The following ORC3 variants were observed in gnomAD, a reference collection of about 807,000 sequenced individuals.
The protein encoded by ORC3 is homolog of latheo, Drosophila.
In ORC3, 78 loss-of-function variants were observed where a neutral mutation model predicts 100.7. The observed-to-expected ratio is 0.77, with a 90% CI of 0.65 to 0.94. ORC3 has a LOEUF of 0.94. ORC3 is among the 40% of genes least tolerant of loss of function. The probability of loss-of-function intolerance (pLI) is 0.00; values close to 1 mark genes in which losing one functional copy is unlikely to be tolerated. For synonymous variants in ORC3, 295 were observed against 289.3 expected, an observed-to-expected ratio of 1.02 and a Z score of -0.20; for missense variants, 789 against 823.9, an observed-to-expected ratio of 0.96 and a Z score of 0.52.
Position 87,667,445 on chromosome 6 carries a change from G to A in ORC3, c.*322G>A, listed in dbSNP as rs545925949. ...ATGTAATAAATTCCGTTATCCAGGAGTATAAATTATTTGCAGTTGCTTTAG... is the reference window on the plus strand; with the variant it reads ...ATGTAATAAATTCCGTTATCCAGGAATATAAATTATTTGCAGTTGCTTTAG... On this transcript the variant is annotated 3_prime_UTR_variant, in exon 20 of 20. Transcript: ENST00000392844. 1 of 204,958 alleles carries A rather than the reference G, an allele frequency of 4.9e-6. No homozygotes were observed. The highest frequency in any genetic ancestry group is 1.2e-4 in the East Asian group (1 of 8,632). The allele number at this position is 204,958 out of a possible 1,614,324, so 12.7% of individuals were successfully genotyped here.
At chr6:87,646,685 G>A (rs1022512679) in intron 13 of ORC3, among the ~76,000 whole-genome samples, 2 of 152,122 alleles carry the variant, frequency 1.3e-5, no homozygotes, top group African/African-American at 4.8e-5. Context: ...GACTTTCTTG[G>A]TTTTTCTCCT....
chr6:87,612,222 G>A lies in ORC3; in HGVS notation c.847G>A (p.Glu283Lys). The A allele has an allele frequency of 6.2e-7, 1 of 1,610,872 alleles. No individual in the cohort carries two copies. The highest frequency in any genetic ancestry group is 8.5e-7 in the Non-Finnish European group (1 of 1,179,016). The change falls in exon 8 of 20, where the codon GAG (glutamate) becomes AAG (lysine). Residue 283 changes from glutamate (E) to lysine (K), a missense_variant. By Grantham distance (56) the Glu-to-Lys change is moderately conservative. Transcript: ENST00000392844. ...IELFQSLSCK[E>K]HLTTVLDKLL... The stretch of plus-strand genomic sequence containing the variant: ...ACTGTTCCAATCTTTGTCTTGTAAG[G>A]AGCACCTGACTACGGTACTCGATAA...
chr6:87,593,024 C>T (rs984694721), intron 1 of ORC3, among the ~76,000 whole-genome samples: 1 of 151,924 alleles, frequency 6.6e-6, no homozygotes, highest in Admixed American at 6.6e-5. Flanking sequence ...ACCCGGGAGG[C>T]AAAGGTTGCA....
chr6:87,632,011 A>G (rs1275083862), intron 11 of ORC3, among the ~76,000 whole-genome samples: 1 of 152,014 alleles, frequency 6.6e-6, no homozygotes, highest in Admixed American at 6.5e-5. Context: ...AAAAATACAA[A>G]AAATTAACCA....
rs1481483769 is a variant in ORC3, at chr6:87,621,239, TA to T, written c.988-114del. 1.7e-5 allele frequency: 10 copies of T among 604,120 alleles called. No homozygotes were observed. In the East Asian group the frequency reaches 3.1e-4, roughly 19 times the overall value. The allele number at this position is 604,120 out of a possible 1,614,324, so 37.4% of individuals were successfully genotyped here. A position where few individuals can be genotyped will look rare whatever the true frequency, so the allele number is the denominator to read the frequency against. On this transcript the variant is annotated intron_variant, in intron 9 of 19. Transcript: ENST00000392844. ...GTTATTGTGACATTATTAAATATAT[TA>T]GTGCCATAAATACTTTGGCTCTTTA...
chr6:87,638,690 A>G (rs989902326), intron 13 of ORC3, among the ~76,000 whole-genome samples: 1 of 152,160 alleles, frequency 6.6e-6, no homozygotes, highest in Non-Finnish European at 1.5e-5. Flanking sequence ...TCCACACCTG[A>G]CCTCATGAAA....
chr6:87,664,737 T>C lies in ORC3; in HGVS notation c.1834-6T>C. On this transcript the variant is annotated splice_region_variant and splice_polypyrimidine_tract_variant and intron_variant, in intron 17 of 19. Coordinates refer to ENST00000392844, the MANE Select transcript of ORC3 (RefSeq NM_012381.4). ...TTAGTCATCTTAGTTTACTGTTAAT[T>C]GTTAGAATGAAGCACTGAAAAGCGA... 6.2e-7 allele frequency: 1 copy of C among 1,608,990 alleles called. No homozygotes were observed. The highest frequency in any genetic ancestry group is 1.1e-5 in the South Asian group (1 of 90,962).
chr6:87,651,361 TG>T (rs1769253248), intron 13 of ORC3: 3 of 453,078 alleles, frequency 6.6e-6, no homozygotes, highest in African/African-American at 6.0e-5. Flanking sequence ...ACACCAGAAA[TG>T]CTAATCTTGT....
chr6:87,643,646 T>G (rs1413290657), intron 13 of ORC3, among the ~76,000 whole-genome samples: 1 of 152,238 alleles, frequency 6.6e-6, no homozygotes, highest in African/African-American at 2.4e-5. Context: ...TACTGCCTAC[T>G]GTCACTTTTC....
intron 13 of ORC3, among the ~76,000 whole-genome samples, chr6:87,648,771 A>C (rs749231424): frequency 6.6e-6 from 1 of 152,188 alleles, no homozygotes. Context: ...GTTTCTCATC[A>C]CTATATAATA....
chr6:87,590,606 A>G lies in ORC3; in HGVS notation c.24+414A>G, dbSNP rs1477026452. Among the ~76,000 whole-genome samples, 2 of 152,234 alleles carry G rather than the reference A, an allele frequency of 1.3e-5. 1 individual carries two copies. Among genetic ancestry groups the G allele is most frequent in the Admixed American group, 1.3e-4 (2 of 15,280 alleles). On this transcript the variant is annotated intron_variant, in intron 1 of 19. Transcript: ENST00000392844. Reference sequence around the variant, plus strand: ...CGATCACAAATTTTAAGTGTTAGCAAGGAAAAGAGTTCTAGGCAGACAACA... The same window carrying G: ...CGATCACAAATTTTAAGTGTTAGCAGGGAAAAGAGTTCTAGGCAGACAACA...
chr6:87,621,180 G>GA (rs34200037), intron 9 of ORC3, among the ~76,000 whole-genome samples, 174 bp from the exon 10 acceptor site: 9,783 of 152,080 alleles, frequency 0.064, 410 homozygotes, highest in African/African-American at 0.12. Flanking sequence ...CTTAAAATAT[G>GA]GAGTTATATA....
At chr6:87,590,406 A>AT (rs1776713950) in intron 1 of ORC3, among the ~76,000 whole-genome samples, 1 of 152,072 alleles carries the variant, frequency 6.6e-6, no homozygotes, top group African/African-American at 2.4e-5. Context: ...GGCTAGGAGG[A>AT]TTTTTAAGTT....
rs1374756653 is a variant in ORC3 at position 87,613,441 on chromosome 6, C to T, written c.873+1193C>T. Among the ~76,000 whole-genome samples, 3 of 152,266 alleles carry T rather than the reference C, an allele frequency of 2.0e-5. No individual in the cohort carries two copies. The East Asian group carries it at 5.8e-4, about 29-fold the overall frequency. ...CACAACCAAACCATATCATTCTGCC[C>T]CTGGCCCCTCCCAAATCACATGTCC... On this transcript the variant is annotated intron_variant, in intron 8 of 19. Transcript: ENST00000392844.
At chr6:87,630,829 G>A (rs1047285700) in intron 11 of ORC3, among the ~76,000 whole-genome samples, 15 of 152,030 alleles carry the variant, frequency 9.9e-5, no homozygotes, top group Non-Finnish European at 1.5e-5. Context: ...GAGCATGTCT[G>A]CCATATTTGA....
At position 87,653,239 on chromosome 6, in the gene ORC3, G is replaced by A. The variant is rs201278306; in HGVS notation, c.1506G>A (p.Gln502=). The change falls in exon 14 of 20, where the codon CAG becomes CAA. Residue 502 remains glutamine, a synonymous_variant. Coordinates refer to ENST00000392844, the MANE Select transcript of ORC3 (RefSeq NM_012381.4). The stretch of plus-strand genomic sequence containing the variant: ...TAGAGGAGTTCCTGGCCCAGTTTCA[G>A]AGCCTCGATGGTAAGAGTGTAATAT... ...KRIEEFLAQF[Q]SLDETKEEED... 67 of 1,613,568 alleles carry A rather than the reference G, an allele frequency of 4.2e-5. No homozygotes were observed. Among genetic ancestry groups the A allele is most frequent in the South Asian group, 4.1e-4 (37 of 91,038 alleles).
downstream of ORC3, among the ~76,000 whole-genome samples, chr6:87,671,403 T>G (rs1487645499): frequency 6.6e-6 from 1 of 151,920 alleles, no homozygotes; most frequent in African/African-American, 2.4e-5. Flanking sequence ...ATTAAGTGAT[T>G]GAGGATGACT....
At chr6:87,677,010 G>C in the ORC3 span, among the ~76,000 whole-genome samples, 1 of 151,020 alleles carries the variant, frequency 6.6e-6, no homozygotes, top group Non-Finnish European at 1.5e-5. Flanking sequence ...CCGGAAAGTA[G>C]AGCTTGCAGT....
intron 9 of ORC3, among the ~76,000 whole-genome samples, chr6:87,618,979 T>G (rs1779354850): frequency 6.6e-6 from 1 of 152,176 alleles, no homozygotes. Context: ...AAAGATTTTG[T>G]GCTCAGGAGA....
Sources: gnomAD v4.1 joint callset for allele counts (sites outside exome capture counted in the v4.1 genomes callset) on GRCh38, gnomAD v4.1.1 for gene constraint, MANE v1.5 for transcripts, NCBI Gene and HGNC (gene_info 2026-07-23, HGNC 2026-07-21) for gene names.